Variants in PIBF1 observed in about 807,000 individuals in gnomAD.
The protein encoded by PIBF1 is progesterone immunomodulatory binding factor 1.
PIBF1 carries 90 observed loss-of-function variants against 112.5 expected under a neutral mutation model. The ratio of observed to expected loss-of-function variants is 0.80; its 90% CI spans 0.67 to 0.95. The LOEUF is 0.95. Among genes scored for constraint, PIBF1 ranks in the 40% least tolerant of loss-of-function variants. The pLI is 0.00. For missense variants in PIBF1, 915 were observed against 852.3 expected (o/e 1.07, Z -0.92); for synonymous variants, 301 against 288.6 (o/e 1.04, Z -0.44).
At chr13:72,846,313 A>C (rs566105371) in intron 9 of PIBF1, among the ~76,000 whole-genome samples, 44 of 152,260 alleles carry the variant, frequency 2.9e-4, no homozygotes, top group African/African-American at 1.0e-3. Context: ...ATTCATTAGC[A>C]AATCCTTTTG....
chr13:72,786,170 G>A (rs936843934), intron 2 of PIBF1, among the ~76,000 whole-genome samples: 1 of 152,040 alleles, frequency 6.6e-6, no homozygotes, highest in Non-Finnish European at 1.5e-5. Flanking sequence ...TATTTTATTT[G>A]TAGCTATACT....
chr13:72,816,666 A>AC (rs1374240289), intron 5 of PIBF1, among the ~76,000 whole-genome samples: 2 of 151,956 alleles, frequency 1.3e-5, no homozygotes, highest in African/African-American at 2.4e-5. Flanking sequence ...GTCTCAAAAA[A>AC]AAAAAAAATT....
chr13:72,973,484 T>G (rs1411789702), intron 15 of PIBF1, 107 bp from the exon 16 acceptor site: 1 of 593,524 alleles, frequency 1.7e-6, no homozygotes, highest in Non-Finnish European at 2.9e-6. Flanking sequence ...TAAATTTATC[T>G]TTAGTTCAAA....
At chr13:72,972,552 C>T (rs1368964290) in intron 15 of PIBF1, among the ~76,000 whole-genome samples, 3 of 151,860 alleles carry the variant, frequency 2.0e-5, no homozygotes, top group Non-Finnish European at 2.9e-5. Flanking sequence ...TAGTCCCAGC[C>T]ACTCAGACAG....
At chr13:72,830,967 G>C (rs2037080428) in intron 8 of PIBF1, among the ~76,000 whole-genome samples, 1 of 151,980 alleles carries the variant, frequency 6.6e-6, no homozygotes, top group South Asian at 2.1e-4. Context: ...GTTTATTCAG[G>C]GATTCGACTT....
intron 14 of PIBF1, among the ~76,000 whole-genome samples, chr13:72,949,523 G>T (rs1019023010): frequency 6.6e-6 from 1 of 151,978 alleles, no homozygotes; most frequent in African/African-American, 2.4e-5. Context: ...CACCCTGTTG[G>T]CCAGGCTGGT....
chr13:72,829,225 G>A (rs1400792088), intron 8 of PIBF1, among the ~76,000 whole-genome samples: 1 of 152,174 alleles, frequency 6.6e-6, no homozygotes, highest in Non-Finnish European at 1.5e-5. Flanking sequence ...CTGTTCTGGA[G>A]TTTGCCTATC....
chr13:72,828,246 A>T (rs1392078131), intron 8 of PIBF1, among the ~76,000 whole-genome samples: 1 of 151,754 alleles, frequency 6.6e-6, no homozygotes, highest in East Asian at 1.9e-4. Context: ...AGGGTTTAAA[A>T]AATGAAGTGA....
At chr13:72,931,607 T>C (rs1235683886) in intron 14 of PIBF1, among the ~76,000 whole-genome samples, 1 of 151,638 alleles carries the variant, frequency 6.6e-6, no homozygotes, top group East Asian at 1.9e-4. Flanking sequence ...ATTTGGTTTT[T>C]ACCTCTGTGT....
intron 10 of PIBF1, among the ~76,000 whole-genome samples, chr13:72,874,297 G>A (rs898601916): frequency 6.6e-6 from 1 of 152,098 alleles, no homozygotes. Flanking sequence ...AAAGACTTCT[G>A]TGTAAATGTT....
At chr13:72,901,708 G>C (rs2040492465) in intron 11 of PIBF1, among the ~76,000 whole-genome samples, 1 of 151,138 alleles carries the variant, frequency 6.6e-6, no homozygotes, top group African/African-American at 2.4e-5. Context: ...AAACCAACCA[G>C]TAGATGTTGG....
chr13:72,853,999 G>T, intron 9 of PIBF1, 58 bp from the exon 10 acceptor site: 3 of 1,275,088 alleles, frequency 2.4e-6, no homozygotes, highest in Non-Finnish European at 3.4e-6. Flanking sequence ...CCATCTTTAA[G>T]AAAGAACATA....
chr13:72,963,024 T>G (rs1594279322), intron 14 of PIBF1, among the ~76,000 whole-genome samples: 1 of 152,108 alleles, frequency 6.6e-6, no homozygotes, highest in East Asian at 1.9e-4. Context: ...GCTAGGACCA[T>G]TTCATGGAGA....
At chr13:72,885,553 A>T (rs1298581363) in intron 10 of PIBF1, among the ~76,000 whole-genome samples, 5 of 152,160 alleles carry the variant, frequency 3.3e-5, no homozygotes, top group Non-Finnish European at 5.9e-5. Context: ...ATATGCCAGA[A>T]TATTTACTAG....
At chr13:72,797,794 G>A in intron 4 of PIBF1, 113 bp from the exon 5 acceptor site, 3 of 760,018 alleles carry the variant, frequency 3.9e-6, no homozygotes, top group Non-Finnish European at 6.2e-6. Context: ...TGACTGTCTT[G>A]TTGTAGTTTT....
In PIBF1 at chr13:72,901,467, T is replaced by A. The variant is rs193177791; in HGVS notation, c.1489-7064T>A. Among the ~76,000 whole-genome samples the A allele has an allele frequency of 1.6e-4, 25 of 152,224 alleles. No individual in the cohort carries two copies. The East Asian group carries it at 3.9e-3, about 24-fold the overall frequency. ...ACTTTGGGAGACCGAGGCAGGCGGA[T>A]CACCTGAGGACAGGAGTTCGAGATC... On this transcript the variant is annotated intron_variant, in intron 11 of 17. Transcript: ENST00000326291.
At chr13:72,910,244 T>G (rs2040849070) in intron 12 of PIBF1, among the ~76,000 whole-genome samples, 1 of 152,184 alleles carries the variant, frequency 6.6e-6, no homozygotes, top group Non-Finnish European at 1.5e-5. Flanking sequence ...AAAGTAATCT[T>G]TGTAACATTC....
chr13:72,798,448 G>T (rs978616871), intron 5 of PIBF1, among the ~76,000 whole-genome samples: 1 of 152,142 alleles, frequency 6.6e-6, no homozygotes, highest in African/African-American at 2.4e-5. Context: ...TCTCTTGCAG[G>T]TGCCATAAGA....
At chr13:72,856,538 A>G (rs997463030) in intron 10 of PIBF1, among the ~76,000 whole-genome samples, 2 of 152,310 alleles carry the variant, frequency 1.3e-5, no homozygotes, top group Middle Eastern at 3.4e-3. Context: ...AAATAGAGCT[A>G]ATGCTCAGGA....
Sources: gnomAD v4.1 joint callset for allele counts (sites outside exome capture counted in the v4.1 genomes callset) on GRCh38, gnomAD v4.1.1 for gene constraint, MANE v1.5 for transcripts, NCBI Gene and HGNC (gene_info 2026-07-23, HGNC 2026-07-21) for gene names.